MTFR1: variants seen among roughly 807,000 people sequenced by gnomAD.
The protein encoded by MTFR1 is mitochondrial fission regulator 1.
Under a neutral mutation model 38.8 loss-of-function variants are expected in MTFR1, and 28 were observed. That is an observed-to-expected ratio of 0.72 (90% CI 0.53 to 0.99). The LOEUF (loss-of-function observed/expected upper bound fraction) is 0.99. Ranked by LOEUF, MTFR1 falls within the 50% of genes least tolerant of loss-of-function variation. The pLI is 0.00. For missense variants in MTFR1, 358 were observed against 395.5 expected, an observed-to-expected ratio of 0.91 and a Z score of 0.81; for synonymous variants, 145 against 137.0, an observed-to-expected ratio of 1.06 and a Z score of -0.41.
chr8:65,692,411 C>T (rs1805306462), intron 3 of MTFR1, among the ~76,000 whole-genome samples: 1 of 152,152 alleles, frequency 6.6e-6, no homozygotes, highest in Non-Finnish European at 1.5e-5. Flanking sequence ...AATCTTGGCT[C>T]ACTGCAACTG....
intron 3 of MTFR1, among the ~76,000 whole-genome samples, chr8:65,721,626 G>C (rs1180258214): frequency 6.6e-6 from 1 of 152,082 alleles, no homozygotes; most frequent in Non-Finnish European, 1.5e-5. Context: ...GATGAACAGT[G>C]AAAGGGATCT....
intron 1 of MTFR1, among the ~76,000 whole-genome samples, chr8:65,665,251 A>G (rs1178020005): frequency 2.6e-5 from 4 of 152,052 alleles, no homozygotes; most frequent in Non-Finnish European, 4.4e-5. Context: ...TAGGTTTTCA[A>G]ACTCCACATA....
In MTFR1 at chr8:65,708,970, T is replaced by C. The variant is rs768899931; in HGVS notation, c.934-6T>C. On this transcript the variant is annotated splice_polypyrimidine_tract_variant and splice_region_variant and intron_variant, in intron 7 of 7. Coordinates refer to ENST00000262146, the MANE Select transcript of MTFR1 (RefSeq NM_014637.4). ...ATCTTTATTTATACTTTTTGTTTGT[T>C]TCTAGTTTGGGCCACACATGTTGAA... is the stretch of plus-strand genomic sequence containing the variant. 6 of 1,613,648 alleles carry C rather than the reference T, an allele frequency of 3.7e-6. No homozygotes were observed. In the African/African-American group the frequency reaches 8.0e-5, roughly 22 times the overall value.
intron 7 of MTFR1, chr8:65,708,441 A>C (rs2129060004): frequency 3.4e-6 from 1 of 296,152 alleles, no homozygotes; most frequent in East Asian, 9.5e-5. Flanking sequence ...ATTTTCTCTC[A>C]GGGCACCCTG....
intron 4 of MTFR1, among the ~76,000 whole-genome samples, chr8:65,698,610 T>C (rs1288726992): frequency 2.0e-5 from 3 of 152,158 alleles, no homozygotes; most frequent in African/African-American, 7.2e-5. Context: ...GTAAATTGCA[T>C]GTTATGGATG....
At chr8:65,698,251 C>T (rs114443022) in intron 4 of MTFR1, among the ~76,000 whole-genome samples, 3 of 150,880 alleles carry the variant, frequency 2.0e-5, no homozygotes, top group Non-Finnish European at 2.9e-5. Context: ...TGGGCTCAAG[C>T]GATCCTCTCA....
intron 1 of MTFR1, among the ~76,000 whole-genome samples, chr8:65,668,434 C>T (rs1055554072): frequency 2.0e-5 from 3 of 146,598 alleles, no homozygotes; most frequent in Non-Finnish European, 4.5e-5. Context: ...GTGATCCGCC[C>T]GCCTCAGCCC....
At chr8:65,774,051 C>G (rs913494634), downstream of MTFR1, among the ~76,000 whole-genome samples, 7 of 152,098 alleles carry the variant, frequency 4.6e-5, no homozygotes, top group Admixed American at 3.9e-4. Context: ...ATGAGCAATA[C>G]GTTCACATGA....
intron 3 of MTFR1, chr8:65,723,362 T>C: frequency 2.0e-6 from 1 of 497,112 alleles, no homozygotes; most frequent in Middle Eastern, 6.7e-4. Flanking sequence ...TTTTACATCC[T>C]AAAATTAAAT....
At chr8:65,680,401 A>G (rs1433235733) in intron 2 of MTFR1, among the ~76,000 whole-genome samples, 3 of 152,028 alleles carry the variant, frequency 2.0e-5, no homozygotes, top group African/African-American at 4.8e-5. Flanking sequence ...CTGGCCACAA[A>G]TGATCCTCCT....
intron 1 of MTFR1, among the ~76,000 whole-genome samples, chr8:65,650,699 G>A (rs1205477898): frequency 6.6e-6 from 1 of 152,096 alleles, no homozygotes; most frequent in Admixed American, 6.6e-5. Flanking sequence ...CCATTTGTCT[G>A]TTGATAGACA....
At chr8:65,669,729 T>G in intron 1 of MTFR1, 144 bp from the exon 2 acceptor site, 1 of 470,976 alleles carries the variant, frequency 2.1e-6, no homozygotes, top group Non-Finnish European at 3.7e-6. Flanking sequence ...TTTTGTATTT[T>G]TAGTAGAGAT....
At chr8:65,662,703 C>T (rs1809472769) in intron 1 of MTFR1, among the ~76,000 whole-genome samples, 2 of 130,898 alleles carry the variant, frequency 1.5e-5, no homozygotes, top group Admixed American at 7.9e-5. Context: ...CCCCTCCGCC[C>T]GGCAGCCACA....
intron 1 of MTFR1, among the ~76,000 whole-genome samples, chr8:65,655,970 C>CATATATATATATGT (rs1563432914): frequency 1.9e-5 from 1 of 53,636 alleles, no homozygotes; most frequent in Non-Finnish European, 3.1e-5. Context: ...ATATATATAC[C>CATATATATATATGT]ATATATATAT....
chr8:65,699,614 T>C (rs562533349), intron 4 of MTFR1, among the ~76,000 whole-genome samples: 1 of 152,302 alleles, frequency 6.6e-6, no homozygotes, highest in South Asian at 2.1e-4. Context: ...AAAGTGTCTG[T>C]GGATTCTCTG....
intron 4 of MTFR1, among the ~76,000 whole-genome samples, chr8:65,703,836 C>T (rs1009357490): frequency 1.3e-5 from 2 of 152,064 alleles, no homozygotes; most frequent in Admixed American, 1.3e-4. Flanking sequence ...TTTATTCTGT[C>T]TTTGTAATCT....
At chr8:65,730,183 T>C (rs1284939182) in intron 3 of MTFR1, among the ~76,000 whole-genome samples, 4 of 133,858 alleles carry the variant, frequency 3.0e-5, no homozygotes, top group Non-Finnish European at 6.4e-5. Context: ...TTTTTTTTTT[T>C]TTTTTTTTTT....
At chr8:65,767,399 GTATTATGATGTATATA>G (rs1427749955) in intron 3 of MTFR1, among the ~76,000 whole-genome samples, 1 of 152,216 alleles carries the variant, frequency 6.6e-6, no homozygotes, top group Non-Finnish European at 1.5e-5. Context: ...TGGGAGTGTA[GTATTATGATGTATATA>G]TTGGTTTTCA....
intron 3 of MTFR1, among the ~76,000 whole-genome samples, chr8:65,726,699 G>A (rs1221990791): frequency 2.6e-5 from 4 of 152,080 alleles, no homozygotes; most frequent in South Asian, 2.1e-4. Context: ...AAATGTTACC[G>A]ACTATATAGT....
Sources: allele counts gnomAD v4.1 joint callset (sites outside exome capture counted in the v4.1 genomes callset), GRCh38; gene constraint gnomAD v4.1.1; transcripts MANE v1.5; gene names NCBI Gene and HGNC (gene_info 2026-07-23, HGNC 2026-07-21).